The following NINJ2 variants were observed in gnomAD, a reference collection of about 807,000 sequenced individuals.
The protein encoded by NINJ2 is ninjurin-2.
In NINJ2, 12 loss-of-function variants were observed where a neutral mutation model predicts 11.7. That is an observed-to-expected ratio of 1.02 (90% confidence interval 0.66 to 1.66). The LOEUF is 1.66. NINJ2 is among the 40% of genes most tolerant of loss of function. NINJ2 has a pLI of 0.00. For missense variants in NINJ2, 187 were observed against 181.8 expected (o/e 1.03, Z -0.16); for synonymous variants, 93 against 76.8 (o/e 1.21, Z -1.10).
intron 1 of NINJ2, among the ~76,000 whole-genome samples, chr12:615,993 T>C (rs1281788362): frequency 6.6e-6 from 1 of 152,158 alleles, no homozygotes; most frequent in Non-Finnish European, 1.5e-5. Flanking sequence ...GGTGAGGGGC[T>C]GCAGAAAGCA....
At chr12:621,882 C>G (rs1331488915) in intron 1 of NINJ2, among the ~76,000 whole-genome samples, 1 of 151,846 alleles carries the variant, frequency 6.6e-6, no homozygotes, top group Non-Finnish European at 1.5e-5. Context: ...ACCTGTAATC[C>G]CAGCACTTTG....
chr12:600,279 T>G (rs11063810), intron 1 of NINJ2, among the ~76,000 whole-genome samples: 13,570 of 152,066 alleles, frequency 0.089, 935 homozygotes, highest in African/African-American at 0.19. Flanking sequence ...GGGGGCCAGG[T>G]GCGGTGGCTT....
intron 1 of NINJ2, among the ~76,000 whole-genome samples, chr12:600,951 T>C (rs1947858785): frequency 6.6e-6 from 1 of 152,226 alleles, no homozygotes; most frequent in African/African-American, 2.4e-5. Flanking sequence ...AAACAAGATA[T>C]GTAGAAATCT....
chr12:576,217 C>T (rs1947457253), intron 1 of NINJ2, among the ~76,000 whole-genome samples: 1 of 152,206 alleles, frequency 6.6e-6, no homozygotes, highest in African/African-American at 2.4e-5. Context: ...AAAGCTGCAG[C>T]ACCGAGAGGC....
chr12:643,491 C>A, intron 1 of NINJ2: 1 of 988,264 alleles, frequency 1.0e-6, no homozygotes, highest in Non-Finnish European at 1.2e-6. Flanking sequence ...GGGAACACGG[C>A]TTTGTCCCTG....
intron 1 of NINJ2, among the ~76,000 whole-genome samples, chr12:572,620 A>C (rs1215166371): frequency 2.6e-5 from 4 of 152,200 alleles, no homozygotes; most frequent in African/African-American, 9.6e-5. Flanking sequence ...GGCTCTCAGC[A>C]CACTGGAACG....
At chr12:656,207 A>G (rs536990207) in intron 1 of NINJ2, among the ~76,000 whole-genome samples, 255 of 151,764 alleles carry the variant, frequency 1.7e-3, no homozygotes, top group African/African-American at 5.7e-3. Flanking sequence ...TACTAAAAAT[A>G]CAAAAAATTA....
At chr12:612,542 C>A (rs1948047465) in intron 1 of NINJ2, among the ~76,000 whole-genome samples, 2 of 152,200 alleles carry the variant, frequency 1.3e-5, no homozygotes, top group South Asian at 4.1e-4. Flanking sequence ...CCAAGATGCA[C>A]CAGGAGAAGC....
intron 1 of NINJ2, among the ~76,000 whole-genome samples, chr12:629,894 A>ATATATATATATAT (rs1555166134): frequency 6.0e-5 from 1 of 16,566 alleles, no homozygotes; most frequent in Admixed American, 1.2e-3. Flanking sequence ...AAAAAAAAAA[A>ATATATATATATAT]AAATATATAT....
chr12:643,601 A>G (rs1592115999), intron 1 of NINJ2: 1 of 988,062 alleles, frequency 1.0e-6, no homozygotes, highest in South Asian at 4.7e-5. Context: ...CGGAGAGATG[A>G]AGCGTTGTAC....
chr12:569,469 C>G (rs1463176434), intron 1 of NINJ2, among the ~76,000 whole-genome samples: 1 of 152,240 alleles, frequency 6.6e-6, no homozygotes, highest in Non-Finnish European at 1.5e-5. Flanking sequence ...CCCCTCCTGT[C>G]TCTTCCCCAT....
Position 601,420 on chromosome 12 carries a change from C to T in NINJ2, c.34-35242G>A, listed in dbSNP as rs564899402. 2.6e-3 allele frequency among the ~76,000 whole-genome samples: 390 copies of T among 151,588 alleles called. 1 individual carries two copies. Among genetic ancestry groups the T allele is most frequent in the African/African-American group, 8.7e-3 (359 of 41,266 alleles). ...AAAATTAGCCAGGCGTGGTGGCGGG[C>T]GCCTGTAGTCCCAGCTACAGGGGAG... is the stretch of plus-strand genomic sequence containing the variant. On this transcript the variant is annotated intron_variant, in intron 1 of 3. Coordinates refer to ENST00000305108, the MANE Select transcript of NINJ2 (RefSeq NM_016533.6).
At position 598,241 on chromosome 12, in the gene NINJ2, G is replaced by A. The variant is rs536311957; in HGVS notation, c.34-32063C>T. 2.6e-5 allele frequency among the ~76,000 whole-genome samples: 4 copies of A among 152,340 alleles called. No homozygotes were observed. The East Asian group carries it at 7.7e-4, about 29-fold the overall frequency. On this transcript the variant is annotated intron_variant, in intron 1 of 3. Coordinates refer to ENST00000305108, the MANE Select transcript of NINJ2 (RefSeq NM_016533.6). Reference sequence around the variant, plus strand: ...ATGCGCAAGGATGTTTCCATACTTGGCTGCTTCACAGGTGTTTTCACTGAC... The same window carrying A: ...ATGCGCAAGGATGTTTCCATACTTGACTGCTTCACAGGTGTTTTCACTGAC...
chr12:577,416 C>CAT (rs536829310), intron 1 of NINJ2, among the ~76,000 whole-genome samples: 10,442 of 121,052 alleles, frequency 0.086, 894 homozygotes, highest in Middle Eastern at 0.18. Flanking sequence ...ACACTAGTCT[C>CAT]ATATATATAT....
Position 634,262 on chromosome 12 carries a change from G to GTTTTTTTTTTTTTTTTTT in NINJ2, c.33+29065_33+29066insAAAAAAAAAAAAAAAAAA, listed in dbSNP as rs1565643231. On this transcript the variant is annotated intron_variant, in intron 1 of 3. Coordinates refer to ENST00000305108, the MANE Select transcript of NINJ2 (RefSeq NM_016533.6). The stretch of plus-strand genomic sequence containing the variant: ...ACTAAATAAATGTTGATTAGTTGCA[G>GTTTTTTTTTTTTTTTTTT]TTCTTTTTTTTTTTTTTTTTTTTTT... 5.3e-5 allele frequency among the ~76,000 whole-genome samples: 4 copies of GTTTTTTTTTTTTTTTTTT among 75,620 alleles called. 1 individual carries two copies. In the Admixed American group the frequency reaches 7.4e-4, roughly 14 times the overall value. 49.6% of individuals were successfully genotyped at this position (75,620 alleles called of 152,430 possible). A position where few individuals can be genotyped will look rare whatever the true frequency, so the allele number is the denominator to read the frequency against.
intron 1 of NINJ2, among the ~76,000 whole-genome samples, chr12:577,099 G>C (rs1373073837): frequency 6.6e-6 from 1 of 152,124 alleles, no homozygotes; most frequent in Admixed American, 6.5e-5. Flanking sequence ...CCCAGCTTTC[G>C]CACCATCGTA....
At chr12:607,314 G>A (rs1010935121) in intron 1 of NINJ2, among the ~76,000 whole-genome samples, 1 of 151,668 alleles carries the variant, frequency 6.6e-6, no homozygotes, top group Non-Finnish European at 1.5e-5. Context: ...AGGGATAATA[G>A]GTAAAATATT....
intron 1 of NINJ2, among the ~76,000 whole-genome samples, chr12:607,544 G>T (rs1052456865): frequency 6.6e-6 from 1 of 152,192 alleles, no homozygotes; most frequent in Non-Finnish European, 1.5e-5. Context: ...GAGCCTGTTG[G>T]GTTACTCAGC....
intron 1 of NINJ2, among the ~76,000 whole-genome samples, chr12:658,698 A>AAGAG (rs1937909839): frequency 6.7e-6 from 1 of 150,242 alleles, no homozygotes; most frequent in Non-Finnish European, 1.5e-5. Flanking sequence ...ATGCTATGCT[A>AAGAG]TGCTATGCTA....
Sources: gnomAD v4.1 joint callset for allele counts (sites outside exome capture counted in the v4.1 genomes callset) on GRCh38, gnomAD v4.1.1 for gene constraint, MANE v1.5 for transcripts, NCBI Gene and HGNC (gene_info 2026-07-23, HGNC 2026-07-21) for gene names.